SOHLH2: variants seen among roughly 807,000 people sequenced by gnomAD.
SOHLH2 encodes the protein spermatogenesis- and oogenesis-specific basic helix-loop-helix-containing protein 2.
A neutral mutation model predicts 50.4 loss-of-function variants in SOHLH2; 22 were observed. That is an observed-to-expected ratio of 0.44 (90% confidence interval 0.31 to 0.62). The LOEUF is 0.62. Among genes scored for constraint, SOHLH2 ranks in the 20% least tolerant of loss-of-function variants. The probability of loss-of-function intolerance (pLI) is 0.08; values close to 1 mark genes in which losing one functional copy is unlikely to be tolerated. For missense variants in SOHLH2, 412 were observed against 504.4 expected (o/e 0.82, Z 1.76); for synonymous variants, 185 against 187.3 (o/e 0.99, Z 0.10).
intron 10 of SOHLH2, among the ~76,000 whole-genome samples, chr13:36,170,205 A>G (rs899144351): frequency 6.6e-6 from 1 of 152,114 alleles, no homozygotes; most frequent in Non-Finnish European, 1.5e-5. Context: ...CTAAAATGGG[A>G]TGTGCCACTG....
intron 1 of SOHLH2, among the ~76,000 whole-genome samples, 192 bp downstream of exon 1, chr13:36,214,287 G>C (rs1355604311): frequency 6.6e-6 from 1 of 152,102 alleles, no homozygotes; most frequent in African/African-American, 2.4e-5. Context: ...CCGGGTCGGC[G>C]CTTCCCCAGC....
chr13:36,207,425 G>T (rs886621246), intron 1 of SOHLH2, among the ~76,000 whole-genome samples: 1 of 151,598 alleles, frequency 6.6e-6, no homozygotes, highest in African/African-American at 2.4e-5. Context: ...GTGCTTAATT[G>T]TCTTTTTATT....
intron 2 of SOHLH2, among the ~76,000 whole-genome samples, chr13:36,201,048 C>CTAA (rs1887887082): frequency 3.6e-5 from 2 of 55,970 alleles, no homozygotes; most frequent in African/African-American, 7.5e-5. Flanking sequence ...GACTCTGCCT[C>CTAA]AAAAAAAAAA....
chr13:36,195,831 T>A (rs1887707513), intron 2 of SOHLH2, among the ~76,000 whole-genome samples: 1 of 151,820 alleles, frequency 6.6e-6, no homozygotes, highest in Non-Finnish European at 1.5e-5. Context: ...TTCTGGGGAG[T>A]TTAGGCTGAG....
intron 9 of SOHLH2, among the ~76,000 whole-genome samples, chr13:36,173,084 T>C (rs1401581536): frequency 6.6e-6 from 1 of 152,182 alleles, no homozygotes; most frequent in African/African-American, 2.4e-5. Flanking sequence ...TGTTCCACAA[T>C]GAATATTCAC....
chr13:36,196,598 A>C (rs895222449), intron 2 of SOHLH2, among the ~76,000 whole-genome samples: 1 of 152,262 alleles, frequency 6.6e-6, no homozygotes, highest in African/African-American at 2.4e-5. Context: ...GATTCAAAAA[A>C]GTAAATTATC....
chr13:36,201,347 C>CT (rs1203676410), intron 2 of SOHLH2, among the ~76,000 whole-genome samples: 1 of 152,102 alleles, frequency 6.6e-6, no homozygotes, highest in Non-Finnish European at 1.5e-5. Context: ...AAATAAATTT[C>CT]TATGACAAAT....
intron 1 of SOHLH2, 21 bp from the exon 2 acceptor site, chr13:36,202,114 G>T: frequency 6.2e-7 from 1 of 1,613,036 alleles, no homozygotes. Flanking sequence ...AGGAAGCAGA[G>T]GCGTCACATA....
In SOHLH2 at chr13:36,170,479, G is replaced by C. The variant is rs370713253; in HGVS notation, c.1257+52C>G. The C allele has an allele frequency of 2.5e-6, 4 of 1,574,818 alleles. No homozygotes were observed. In the African/African-American group the frequency reaches 5.4e-5, roughly 21 times the overall value. Reference sequence around the variant, plus strand: ...CAACAAATGCAGGTCAGGGGTTTCTGCTGGCTGGAGTGAAAGGGTCCAATC... The same window carrying C: ...CAACAAATGCAGGTCAGGGGTTTCTCCTGGCTGGAGTGAAAGGGTCCAATC... On this transcript the variant is annotated intron_variant, in intron 10 of 10. Coordinates refer to ENST00000379881, the MANE Select transcript of SOHLH2 (RefSeq NM_017826.3).
chr13:36,175,034 C>G (rs1887064097), intron 6 of SOHLH2, among the ~76,000 whole-genome samples, 165 bp from the exon 7 acceptor site: 2 of 152,342 alleles, frequency 1.3e-5, no homozygotes, highest in South Asian at 4.1e-4. Context: ...CAGCAGCCCT[C>G]ACAGCCCCTG....
At chr13:36,191,189 A>C (rs529290846) in intron 5 of SOHLH2, among the ~76,000 whole-genome samples, 1 of 152,194 alleles carries the variant, frequency 6.6e-6, no homozygotes, top group Non-Finnish European at 1.5e-5. Context: ...CCAGGTTTGA[A>C]TGCCAGTTCT....
chr13:36,197,013 T>A (rs1473508425), intron 2 of SOHLH2, among the ~76,000 whole-genome samples: 5 of 152,250 alleles, frequency 3.3e-5, no homozygotes, highest in African/African-American at 7.2e-5. Flanking sequence ...TCTCTTTTTT[T>A]GTGAATGAAT....
chr13:36,195,491 G>A (rs1799901658), intron 2 of SOHLH2, among the ~76,000 whole-genome samples: 1 of 152,142 alleles, frequency 6.6e-6, no homozygotes, highest in South Asian at 2.1e-4. Context: ...AGGCCTGTTA[G>A]GCCACAGGAA....
intron 2 of SOHLH2, 69 bp from the exon 3 acceptor site, chr13:36,193,936 A>C (rs561798385): frequency 6.9e-7 from 1 of 1,457,958 alleles, no homozygotes. Context: ...TCAGGAGTTT[A>C]GCTTATTAGG....
intron 9 of SOHLH2, 82 bp from the exon 10 acceptor site, chr13:36,170,869 C>G: frequency 3.3e-6 from 5 of 1,536,546 alleles, no homozygotes; most frequent in Non-Finnish European, 4.4e-6. Context: ...ATAAACTGCC[C>G]GCTATTTCAT....
chr13:36,177,216 T>G (rs1887118631), intron 6 of SOHLH2, among the ~76,000 whole-genome samples: 1 of 152,150 alleles, frequency 6.6e-6, no homozygotes, highest in South Asian at 2.1e-4. Flanking sequence ...GCTTTAATGT[T>G]TCTGGGATTT....
intron 2 of SOHLH2, among the ~76,000 whole-genome samples, chr13:36,201,048 C>CA (rs10660002): frequency 0.13 from 7,098 of 55,662 alleles, 589 homozygotes; most frequent in African/African-American, 0.21. Context: ...GACTCTGCCT[C>CA]AAAAAAAAAA....
At chr13:36,213,419 T>G (rs1341586837) in intron 1 of SOHLH2, among the ~76,000 whole-genome samples, 1 of 152,134 alleles carries the variant, frequency 6.6e-6, no homozygotes, top group Non-Finnish European at 1.5e-5. Context: ...TAAGAAGAGA[T>G]GAAATTAAGT....
chr13:36,174,745 T>C lies in SOHLH2; in HGVS notation c.766A>G (p.Ile256Val). Residue 256 changes from isoleucine (I) to valine (V), a missense_variant, in exon 7 of 11, where the codon ATC becomes GTC. Coordinates refer to ENST00000379881, the MANE Select transcript of SOHLH2 (RefSeq NM_017826.3). The part of the protein sequence containing the change: ...VDYVKYIREK[I>V]SPAVMAQITE... ...ACCTGGGCCATAACGGCTGGAGAGA[T>C]TTTCTCCCGGATATATTTCACATAA... 1 of 1,608,288 alleles carries C rather than the reference T, an allele frequency of 6.2e-7. No individual in the cohort carries two copies. The highest frequency in any genetic ancestry group is 8.5e-7 in the Non-Finnish European group (1 of 1,178,052).
Sources: gnomAD v4.1 joint callset for allele counts (sites outside exome capture counted in the v4.1 genomes callset) on GRCh38, gnomAD v4.1.1 for gene constraint, MANE v1.5 for transcripts, NCBI Gene and HGNC (gene_info 2026-07-23, HGNC 2026-07-21) for gene names.